The following WDR76 variants were observed in gnomAD, a reference collection of about 807,000 sequenced individuals.
WDR76 encodes the protein WD repeat-containing protein 76.
In WDR76, 52 loss-of-function variants were observed where a neutral mutation model predicts 70.2. That is an observed-to-expected ratio of 0.74 (90% CI 0.59 to 0.93). The LOEUF is 0.93. Among genes scored for constraint, WDR76 ranks in the 40% least tolerant of loss-of-function variants. The probability of loss-of-function intolerance (pLI) is 0.00; values close to 1 mark genes in which losing one functional copy is unlikely to be tolerated. For synonymous variants in WDR76, 292 were observed against 271.1 expected, an observed-to-expected ratio of 1.08 and a Z score of -0.76; for missense variants, 756 against 760.2, an observed-to-expected ratio of 0.99 and a Z score of 0.07.
intron 8 of WDR76, among the ~76,000 whole-genome samples, chr15:43,850,516 C>G (rs955455776): frequency 6.6e-6 from 1 of 151,736 alleles, no homozygotes; most frequent in Non-Finnish European, 1.5e-5. Context: ...AGGATGGTCT[C>G]GATCTCCTGA....
At chr15:43,861,832 A>ATTTTTTTTT (rs898404641) in intron 12 of WDR76, among the ~76,000 whole-genome samples, 7 of 104,758 alleles carry the variant, frequency 6.7e-5, no homozygotes, top group Non-Finnish European at 1.2e-4. Flanking sequence ...GTATTTGTGT[A>ATTTTTTTTT]TTTTTTTTTT....
Position 43,861,203 on chromosome 15 carries a change from C to G in WDR76, c.1563-130C>G, listed in dbSNP as rs912177811. 7.4e-6 allele frequency: 6 copies of G among 809,384 alleles called. No homozygotes were observed. In the African/African-American group the frequency reaches 8.6e-5, roughly 12 times the overall value. The allele number at this position is 809,384 out of a possible 1,614,324, so 50.1% of individuals were successfully genotyped here. ...CATGGGCCTCTAAACCCGGCCTGATCCTACATATTTTTAAGTGACAGTTAT... is the reference window on the plus strand; with the variant it reads ...CATGGGCCTCTAAACCCGGCCTGATGCTACATATTTTTAAGTGACAGTTAT... On this transcript the variant is annotated intron_variant, in intron 11 of 12. Coordinates refer to ENST00000263795, the MANE Select transcript of WDR76 (RefSeq NM_024908.4).
intron 10 of WDR76, among the ~76,000 whole-genome samples, chr15:43,858,055 C>G (rs1293862644): frequency 2.0e-5 from 3 of 148,484 alleles, no homozygotes; most frequent in Non-Finnish European, 4.4e-5. Context: ...GCTTCAGCCT[C>G]CTGAGTAGCT....
At chr15:43,841,046 A>T (rs1282070968) in intron 5 of WDR76, among the ~76,000 whole-genome samples, 1 of 150,904 alleles carries the variant, frequency 6.6e-6, no homozygotes, top group Admixed American at 6.6e-5. Flanking sequence ...TCTGAGACAG[A>T]GTCTCCCTCT....
chr15:43,847,804 C>T (rs1416332212), intron 8 of WDR76, among the ~76,000 whole-genome samples: 1 of 152,170 alleles, frequency 6.6e-6, no homozygotes, highest in Non-Finnish European at 1.5e-5. Context: ...TGATTTTCAC[C>T]TGCTTCGGCC....
At chr15:43,852,649 G>A (rs964397784) in intron 9 of WDR76, among the ~76,000 whole-genome samples, 7 of 152,032 alleles carry the variant, frequency 4.6e-5, no homozygotes, top group South Asian at 2.1e-4. Flanking sequence ...GGATTACAGC[G>A]TGAGCCACTG....
At chr15:43,838,910 A>G (rs2087689499) in intron 4 of WDR76, among the ~76,000 whole-genome samples, 1 of 152,180 alleles carries the variant, frequency 6.6e-6, no homozygotes, top group Non-Finnish European at 1.5e-5. Context: ...AATGTTGACT[A>G]CAGTTTTTAG....
rs542488751 is a variant in WDR76, at chr15:43,858,571, A to G, written c.1410-100A>G. The G allele has an allele frequency of 2.8e-6, 4 of 1,432,108 alleles. No homozygotes were observed. In the South Asian group the frequency reaches 5.5e-5, roughly 20 times the overall value. The allele number at this position is 1,432,108 out of a possible 1,614,324, so 88.7% of individuals were successfully genotyped here. A position where few individuals can be genotyped will look rare whatever the true frequency, so the allele number is the denominator to read the frequency against. ...GAGAGTTCTGTCTTAAATGTTCTTC[A>G]GTATAGCAAGTATGTGAGTGTCTAA... On this transcript the variant is annotated intron_variant, in intron 10 of 12. Coordinates refer to ENST00000263795, the MANE Select transcript of WDR76 (RefSeq NM_024908.4).
At chr15:43,831,108 G>GT (rs1874509165) in intron 2 of WDR76, among the ~76,000 whole-genome samples, 2 of 151,940 alleles carry the variant, frequency 1.3e-5, no homozygotes, top group African/African-American at 4.8e-5. Context: ...GCAGGTGCCT[G>GT]TAATCTGAGC....
At chr15:43,862,276 CTT>C in intron 12 of WDR76, among the ~76,000 whole-genome samples, 7,299 of 42,060 alleles carry the variant, frequency 0.17, 513 homozygotes, top group African/African-American at 0.31. Flanking sequence ...TTATCAGTTT[CTT>C]TTTTTTTTTT....
rs1209199508 is a variant in WDR76, at chr15:43,842,408, A to G, written c.733-7A>G. 1 of 1,611,116 alleles carries G rather than the reference A, an allele frequency of 6.2e-7. No homozygotes were observed. The highest frequency in any genetic ancestry group is 1.3e-5 in the African/African-American group (1 of 74,808). On this transcript the variant is annotated splice_polypyrimidine_tract_variant and splice_region_variant and intron_variant, in intron 5 of 12. Coordinates refer to ENST00000263795, the MANE Select transcript of WDR76 (RefSeq NM_024908.4). ...CCCAACAAATAACTTTTTATTTTTT[A>G]TAACAGCCTTTGTTACCTCCTGGGC...
Position 43,866,374 on chromosome 15 carries a change from G to T in WDR76, c.1863G>T (p.Met621Ile), listed in dbSNP as rs759938560. The T allele has an allele frequency of 3.1e-6, 5 of 1,613,742 alleles. No homozygotes were observed. In the South Asian group the frequency reaches 4.4e-5, roughly 14 times the overall value. The change falls in exon 13 of 13, where the codon ATG becomes ATT. Residue 621 changes from methionine to isoleucine, a missense_variant. Coordinates refer to ENST00000263795, the MANE Select transcript of WDR76 (RefSeq NM_024908.4). ...GNSSGKIHVF[M>I]NEKSC ...CCAGCGGGAAGATACATGTTTTTAT[G>T]AATGAAAAAAGCTGCTGAGTTTTTG...
chr15:43,856,830 G>A, intron 9 of WDR76, 116 bp from the exon 10 acceptor site: 2 of 839,856 alleles, frequency 2.4e-6, no homozygotes, highest in South Asian at 1.8e-5. Flanking sequence ...GATGATGAGA[G>A]GATAAATGAG....
At chr15:43,830,013 C>CTT (rs113243917) in intron 2 of WDR76, among the ~76,000 whole-genome samples, 3 of 139,756 alleles carry the variant, frequency 2.1e-5, no homozygotes, top group Non-Finnish European at 3.1e-5. Flanking sequence ...TCTTTCTTTT[C>CTT]TTTTTTTTTT....
chr15:43,845,756 T>C (rs2087780541), intron 8 of WDR76, among the ~76,000 whole-genome samples: 2 of 150,500 alleles, frequency 1.3e-5, no homozygotes, highest in South Asian at 2.1e-4. Flanking sequence ...TGAAATACTG[T>C]CTGTTATTAC....
Position 43,846,243 on chromosome 15 carries a change from G to A in WDR76, c.1032+2189G>A, listed in dbSNP as rs963653258. 4.0e-5 allele frequency among the ~76,000 whole-genome samples: 6 copies of A among 148,710 alleles called. 1 individual carries two copies. Among genetic ancestry groups the A allele is most frequent in the African/African-American group, 1.5e-4 (6 of 41,174 alleles). On this transcript the variant is annotated intron_variant, in intron 8 of 12. Coordinates refer to ENST00000263795, the MANE Select transcript of WDR76 (RefSeq NM_024908.4). ...GGCTTTAGGAGATTAAGGAAGTATG[G>A]GGGTAATGAAAGAACTGGAGAAGCA... is the stretch of plus-strand genomic sequence containing the variant.
intron 9 of WDR76, 128 bp downstream of exon 9, chr15:43,851,373 T>C (rs2087858038): frequency 1.6e-6 from 2 of 1,267,634 alleles, no homozygotes; most frequent in South Asian, 3.0e-5. Context: ...CTACGCTGCC[T>C]AAGTTCAAAT....
intron 3 of WDR76, 101 bp from the exon 4 acceptor site, chr15:43,836,060 A>G: frequency 9.5e-7 from 1 of 1,051,160 alleles, no homozygotes; most frequent in Non-Finnish European, 1.3e-6. Context: ...TTAGTTCCTG[A>G]ATAGACCTTA....
intron 9 of WDR76, 67 bp downstream of exon 9, chr15:43,851,312 A>G (rs1199889295): frequency 6.3e-6 from 10 of 1,576,958 alleles, no homozygotes; most frequent in Non-Finnish European, 8.6e-6. Flanking sequence ...TGCCACATGA[A>G]TAATTATTAT....
Sources: gnomAD v4.1 joint callset for allele counts (sites outside exome capture counted in the v4.1 genomes callset) on GRCh38, gnomAD v4.1.1 for gene constraint, MANE v1.5 for transcripts, NCBI Gene and HGNC (gene_info 2026-07-23, HGNC 2026-07-21) for gene names.